The following HPGDS variants were observed in gnomAD, a reference collection of about 807,000 sequenced individuals.
HPGDS encodes hematopoietic prostaglandin D synthase.
In HPGDS, 26 loss-of-function variants were observed where a neutral mutation model predicts 23.1. That is an observed-to-expected ratio of 1.13 (90% CI 0.83 to 1.56). HPGDS has a LOEUF of 1.56. Ranked by LOEUF, HPGDS falls within the 40% of genes most tolerant of loss-of-function variation. The pLI, the probability that HPGDS is intolerant of heterozygous loss-of-function variation, is 0.00. For missense variants in HPGDS, 268 were observed against 236.4 expected (o/e 1.13, Z -0.88); for synonymous variants, 95 against 77.9 (o/e 1.22, Z -1.16).
intron 2 of HPGDS, among the ~76,000 whole-genome samples, chr4:94,332,548 G>GC (rs771570759): frequency 1.3e-5 from 2 of 152,204 alleles, no homozygotes; most frequent in African/African-American, 2.4e-5. Context: ...CTGCTGCAGG[G>GC]CCCACACAGA....
At chr4:94,319,858 C>T (rs1174944107) in intron 2 of HPGDS, among the ~76,000 whole-genome samples, 2 of 152,124 alleles carry the variant, frequency 1.3e-5, no homozygotes, top group Non-Finnish European at 2.9e-5. Context: ...GTGTGCTGCA[C>T]CCATTAACTC....
intron 1 of HPGDS, among the ~76,000 whole-genome samples, chr4:94,340,314 T>TCTTTTTC (rs1560598045): frequency 2.7e-4 from 3 of 11,086 alleles, no homozygotes; most frequent in Non-Finnish European, 5.2e-4. Flanking sequence ...TCTTTCTCTT[T>TCTTTTTC]TTTTTTTTTT....
intron 1 of HPGDS, among the ~76,000 whole-genome samples, chr4:94,336,597 G>T (rs921888602): frequency 6.6e-6 from 1 of 152,092 alleles, no homozygotes; most frequent in Admixed American, 6.5e-5. Context: ...AAAGAGACAA[G>T]AATTGACTAA....
intron 1 of HPGDS, among the ~76,000 whole-genome samples, chr4:94,335,962 T>C (rs1382463306): frequency 6.6e-6 from 1 of 152,030 alleles, no homozygotes; most frequent in Non-Finnish European, 1.5e-5. Flanking sequence ...TCCCAGAACT[T>C]TGGGAGGCCA....
chr4:94,303,077 C>A (rs73836714), intron 4 of HPGDS, among the ~76,000 whole-genome samples: 445 of 152,134 alleles, frequency 2.9e-3, no homozygotes, highest in African/African-American at 0.01. Context: ...TCTAAATGAT[C>A]TATAATGAAA....
At chr4:94,313,695 A>G (rs1432433700) in intron 3 of HPGDS, among the ~76,000 whole-genome samples, 1 of 152,130 alleles carries the variant, frequency 6.6e-6, no homozygotes, top group Non-Finnish European at 1.5e-5. Context: ...GCTTTGCTGG[A>G]TTGGGGAAGT....
At chr4:94,309,050 C>CTTTTTTT (rs34427506) in intron 3 of HPGDS, among the ~76,000 whole-genome samples, 1 of 31,014 alleles carries the variant, frequency 3.2e-5, no homozygotes, top group African/African-American at 1.3e-4. Context: ...GGTGTACTTG[C>CTTTTTTT]TTTTTTTTTT....
chr4:94,317,921 T>C lies in HPGDS; in HGVS notation c.178A>G (p.Thr60Ala), dbSNP rs572576475. Reference sequence around the variant, plus strand: ...GCTATTGCTAGGCTCTGGTGAAGAGTAAGTCCATCAACTTCCAAAATGGGG... The same window carrying C: ...GCTATTGCTAGGCTCTGGTGAAGAGCAAGTCCATCAACTTCCAAAATGGGG... ...KIPILEVDGL[T>A]LHQSLAIARY... is the part of the protein sequence containing the mutation. Residue 60 changes from threonine (T) to alanine (A), a missense_variant, in exon 3 of 6, where the codon ACT becomes GCT. Thr to Ala is a moderately conservative substitution (Grantham distance 58, BLOSUM62 0). Coordinates refer to ENST00000295256, the MANE Select transcript of HPGDS (RefSeq NM_014485.3). The C allele has an allele frequency of 2.5e-6, 4 of 1,612,330 alleles. No individual in the cohort carries two copies. Among genetic ancestry groups the C allele is most frequent in the Non-Finnish European group, 3.4e-6 (4 of 1,179,108 alleles).
chr4:94,309,325 G>A (rs1756211710), intron 3 of HPGDS, among the ~76,000 whole-genome samples: 1 of 132,910 alleles, frequency 7.5e-6, no homozygotes, highest in Non-Finnish European at 1.5e-5. Flanking sequence ...CTGTGTCCAT[G>A]TGTTCTCATG....
intron 2 of HPGDS, among the ~76,000 whole-genome samples, chr4:94,329,921 G>C (rs1756705853): frequency 6.6e-6 from 1 of 152,208 alleles, no homozygotes; most frequent in Non-Finnish European, 1.5e-5. Context: ...ATGTGATGTG[G>C]CTGGCAAAAT....
In HPGDS at chr4:94,299,560, G is replaced by T. The variant is rs1199491126; in HGVS notation, c.520C>A (p.Leu174Met). Residue 174 changes from leucine to methionine, a missense_variant, in exon 6 of 6, where the codon CTG (leucine) becomes ATG (methionine). Transcript: ENST00000295256. ...KPDLLDNHPR[L>M]VTLRKKVQAI... Reference sequence around the variant, plus strand: ...TGGACTTTCTTCCGTAAAGTCACCAGCCTTGGATGGTTGTCTAACAGGTCA... The same window carrying T: ...TGGACTTTCTTCCGTAAAGTCACCATCCTTGGATGGTTGTCTAACAGGTCA... The T allele has an allele frequency of 4.3e-6, 7 of 1,614,044 alleles. No individual in the cohort carries two copies. The highest frequency in any genetic ancestry group is 5.9e-6 in the Non-Finnish European group (7 of 1,179,966).
At chr4:94,312,726 G>A (rs186394849) in intron 3 of HPGDS, among the ~76,000 whole-genome samples, 2 of 152,266 alleles carry the variant, frequency 1.3e-5, no homozygotes, top group East Asian at 1.9e-4. Flanking sequence ...TCTGTCTAAT[G>A]TTGACAGTGG....
intron 4 of HPGDS, among the ~76,000 whole-genome samples, chr4:94,304,772 G>A (rs554714154): frequency 1.3e-5 from 2 of 152,146 alleles, no homozygotes; most frequent in South Asian, 2.1e-4. Context: ...GGAATTGGTG[G>A]TATGTAAGAG....
At chr4:94,339,115 G>A (rs1053465276) in intron 1 of HPGDS, among the ~76,000 whole-genome samples, 2 of 152,180 alleles carry the variant, frequency 1.3e-5, no homozygotes, top group Non-Finnish European at 2.9e-5. Flanking sequence ...ACAATAGAGG[G>A]AAAATAAGCA....
At chr4:94,310,748 T>C (rs1239494862) in intron 3 of HPGDS, among the ~76,000 whole-genome samples, 1 of 152,244 alleles carries the variant, frequency 6.6e-6, no homozygotes, top group African/African-American at 2.4e-5. Flanking sequence ...TTTCACAACA[T>C]TGATTCTTCC....
chr4:94,300,149 G>A (rs961763150), intron 5 of HPGDS, among the ~76,000 whole-genome samples: 1 of 152,036 alleles, frequency 6.6e-6, no homozygotes, highest in Non-Finnish European at 1.5e-5. Context: ...CTATCTTCAG[G>A]ACCTTTGTAT....
chr4:94,313,477 C>T (rs1190809577), intron 3 of HPGDS, among the ~76,000 whole-genome samples: 1 of 152,228 alleles, frequency 6.6e-6, no homozygotes, highest in Non-Finnish European at 1.5e-5. Context: ...CCACTCTCTT[C>T]TGGCTTGTAG....
At chr4:94,308,781 T>C (rs1425662714) in intron 3 of HPGDS, 38 bp from the exon 4 acceptor site, 1 of 1,118,220 alleles carries the variant, frequency 8.9e-7, no homozygotes, top group African/African-American at 1.6e-5. Context: ...ATGTTTAATT[T>C]ACTATATTAA....
Position 94,302,138 on chromosome 4 carries a change from A to T in HPGDS, c.435+8T>A. ...GCTTGAATTTTTTAAGATATAAAAC[A>T]TACTCACAGAGTTACCAATAAGCCA... On this transcript the variant is annotated splice_region_variant and intron_variant, in intron 5 of 5. Transcript: ENST00000295256. 1.3e-6 allele frequency: 2 copies of T among 1,577,458 alleles called. No homozygotes were observed. The highest frequency in any genetic ancestry group is 1.7e-6 in the Non-Finnish European group (2 of 1,148,254).
Sources: allele counts gnomAD v4.1 joint callset (sites outside exome capture counted in the v4.1 genomes callset), GRCh38; gene constraint gnomAD v4.1.1; transcripts MANE v1.5; gene names NCBI Gene and HGNC (gene_info 2026-07-23, HGNC 2026-07-21).